The following BEGAIN variants were observed in gnomAD, a reference collection of about 807,000 sequenced individuals.
The protein encoded by BEGAIN is brain enriched guanylate kinase associated, also known as brain-enriched guanylate kinase-associated protein.
Under a neutral mutation model 35.8 loss-of-function variants are expected in BEGAIN, and 19 were observed. The observed-to-expected ratio is 0.53, with a 90% confidence interval of 0.37 to 0.78. The LOEUF (loss-of-function observed/expected upper bound fraction) is 0.78. BEGAIN is among the 30% of genes least tolerant of loss of function. BEGAIN has a pLI of 0.00. For missense variants in BEGAIN, 795 were observed against 853.6 expected (o/e 0.93, Z 0.85); for synonymous variants, 462 against 388.6 (o/e 1.19, Z -2.22).
intron 2 of BEGAIN, among the ~76,000 whole-genome samples, chr14:100,554,700 C>T (rs537339331): frequency 1.4e-4 from 22 of 152,246 alleles, no homozygotes; most frequent in African/African-American, 5.3e-4. Flanking sequence ...GTCTCCTGTT[C>T]TCACCCTGGC....
At chr14:100,550,276 G>A (rs1202292369) in intron 2 of BEGAIN, 1 of 395,748 alleles carries the variant, frequency 2.5e-6, no homozygotes, top group East Asian at 3.6e-5. Flanking sequence ...TGAGGGCTGT[G>A]AGGCTGTGCC....
At position 100,573,325 on chromosome 14, in the gene BEGAIN, A is replaced by G. The variant is rs923949662; in HGVS notation, c.43-5386T>C. On this transcript the variant is annotated intron_variant, in intron 1 of 6. Transcript: ENST00000554140. The surrounding 1 kb of genome is among the most constrained non-coding windows in gnomAD (Gnocchi z 4.2). Reference sequence around the variant, plus strand: ...GGGGCCGCCAGAGGAGGGGCGGGTGAGTCCTGGGAGGTCGCTAGAGGAGCA... The same window carrying G: ...GGGGCCGCCAGAGGAGGGGCGGGTGGGTCCTGGGAGGTCGCTAGAGGAGCA... 1.4e-3 allele frequency among the ~76,000 whole-genome samples: 213 copies of G among 151,486 alleles called. 2 individuals carry two copies. The highest frequency in any genetic ancestry group is 6.8e-3 in the Middle Eastern group (2 of 294).
At chr14:100,546,909 A>G in intron 2 of BEGAIN, 1 of 383,446 alleles carries the variant, frequency 2.6e-6, no homozygotes, top group Non-Finnish European at 4.7e-6. Context: ...GCGGTTCCTC[A>G]GACTCCACCA....
chr14:100,537,431 C>T lies in BEGAIN; in HGVS notation c.*538G>A, dbSNP rs1005238358. 4 of 152,850 alleles carry T rather than the reference C, an allele frequency of 2.6e-5. No individual in the cohort carries two copies. The highest frequency in any genetic ancestry group is 5.8e-5 in the Non-Finnish European group (4 of 68,476). 9.5% of individuals were successfully genotyped at this position (152,850 alleles called of 1,614,324 possible). ...ATGGATTTTTAAAACACTTCATAGCCCCGAATTTGTTTCAGCTCCCTCTTC... is the reference window on the plus strand; with the variant it reads ...ATGGATTTTTAAAACACTTCATAGCTCCGAATTTGTTTCAGCTCCCTCTTC... On this transcript the variant is annotated 3_prime_UTR_variant, in exon 7 of 7. Coordinates refer to ENST00000554140, the MANE Select transcript of BEGAIN (RefSeq NM_001385089.1).
rs981914842 is a variant in BEGAIN at position 100,586,655 on chromosome 14, C to T, written c.42+594G>A. 2.6e-5 allele frequency among the ~76,000 whole-genome samples: 4 copies of T among 152,208 alleles called. No homozygotes were observed. Among genetic ancestry groups the T allele is most frequent in the Non-Finnish European group, 2.9e-5 (2 of 68,048 alleles). ...GGGCGAGGCCCTGGCCTCCCTGAGC[C>T]TCAGTTTCCTCGCCTGTAAAGGGGC... On this transcript the variant is annotated intron_variant, in intron 1 of 6. Coordinates refer to ENST00000554140, the MANE Select transcript of BEGAIN (RefSeq NM_001385089.1). This position sits in a 1 kb window ranked among gnomAD's most constrained non-coding sequence, Gnocchi z 4.9.
At chr14:100,585,415 C>CCCATCCAT (rs71113272) in intron 1 of BEGAIN, among the ~76,000 whole-genome samples, 1,661 of 65,990 alleles carry the variant, frequency 0.025, 48 homozygotes, top group African/African-American at 0.046. Flanking sequence ...CTCCCTCCCT[C>CCCATCCAT]CCATCCATCC....
intron 1 of BEGAIN, chr14:100,578,038 T>C: frequency 2.5e-6 from 1 of 398,510 alleles, no homozygotes; most frequent in East Asian, 3.6e-5. Context: ...CCCTGTGCCC[T>C]CTTGGGGGCT....
At chr14:100,564,357 G>A (rs1341200465) in intron 2 of BEGAIN, among the ~76,000 whole-genome samples, 8 of 152,074 alleles carry the variant, frequency 5.3e-5, no homozygotes, top group East Asian at 3.9e-4. Flanking sequence ...CAGGAGCCAT[G>A]AGAGGCGACT....
In BEGAIN at chr14:100,537,916, G is replaced by C; in HGVS notation, c.*53C>G. The C allele has an allele frequency of 3.2e-6, 5 of 1,548,534 alleles. No homozygotes were observed. The highest frequency in any genetic ancestry group is 2.6e-6 in the Non-Finnish European group (3 of 1,148,656). On this transcript the variant is annotated 3_prime_UTR_variant, in exon 7 of 7. Transcript: ENST00000554140. Reference sequence around the variant, plus strand: ...GGGGAGAGGTGAGGCCGGCCCTTCTGGGGCACGTGGGCTGGCGGGGAGCGA... The same window carrying C: ...GGGGAGAGGTGAGGCCGGCCCTTCTCGGGCACGTGGGCTGGCGGGGAGCGA...
At position 100,568,835 on chromosome 14, in the gene BEGAIN, T is replaced by C. The variant is rs1216064647; in HGVS notation, c.43-896A>G. 2 of 984,450 alleles carry C rather than the reference T, an allele frequency of 2.0e-6. No individual in the cohort carries two copies. The highest frequency in any genetic ancestry group is 6.2e-5 in the Admixed American group (1 of 16,232). 61.0% of individuals were successfully genotyped at this position (984,450 alleles called of 1,614,324 possible). On this transcript the variant is annotated intron_variant, in intron 1 of 6. Transcript: ENST00000554140. The surrounding 1 kb of genome is among the most constrained non-coding windows in gnomAD (Gnocchi z 7.5). ...GCCGCTCCCCGGGGCTTTGCCCGTC[T>C]TTCTGTGCCGTGACTGGCACTCAAG...
At chr14:100,584,687 A>G (rs2139771853) in intron 1 of BEGAIN, among the ~76,000 whole-genome samples, 1 of 152,282 alleles carries the variant, frequency 6.6e-6, no homozygotes, top group African/African-American at 2.4e-5. Context: ...AGGCCACAGA[A>G]GTCACTCCCC....
intron 4 of BEGAIN, among the ~76,000 whole-genome samples, chr14:100,544,413 G>C (rs2032083011): frequency 6.6e-6 from 1 of 152,214 alleles, no homozygotes; most frequent in Admixed American, 6.5e-5. Flanking sequence ...AAGGTGGGCA[G>C]GTTGTTGCTT....
chr14:100,557,618 A>G (rs568216837), intron 2 of BEGAIN, among the ~76,000 whole-genome samples: 1 of 152,070 alleles, frequency 6.6e-6, no homozygotes, highest in African/African-American at 2.4e-5. Flanking sequence ...CACTCTCCTC[A>G]TTGTACTAAG....
chr14:100,538,529 G>T lies in BEGAIN; in HGVS notation c.1279C>A (p.Arg427=). 2 of 1,518,002 alleles carry T rather than the reference G, an allele frequency of 1.3e-6. No individual in the cohort carries two copies. The highest frequency in any genetic ancestry group is 8.8e-7 in the Non-Finnish European group (1 of 1,135,762). The allele number at this position is 1,518,002 out of a possible 1,614,324, so 94.0% of individuals were successfully genotyped here. ...CCCCTCATGTCCTCCCCGGGGAGCC[G>T]GGCGGTCCCCGGCTTGGCCCGCAGG... ...WSLRAKPGTA[R]LPGEDMRGQW... The change falls in exon 7 of 7, where the codon CGG becomes AGG. Residue 427 remains arginine (R), a synonymous_variant. Coordinates refer to ENST00000554140, the MANE Select transcript of BEGAIN (RefSeq NM_001385089.1).
chr14:100,583,692 C>CTTTTTTTTTTT lies in BEGAIN; in HGVS notation c.42+3546_42+3556dup, dbSNP rs56090356. On this transcript the variant is annotated intron_variant, in intron 1 of 6. Coordinates refer to ENST00000554140, the MANE Select transcript of BEGAIN (RefSeq NM_001385089.1). The stretch of plus-strand genomic sequence containing the variant: ...CTCTCTCTCTCTTTCGTTTTTCTTC[C>CTTTTTTTTTTT]TTTTTTTTTTTTTTTTTGATGGAGT... Among the ~76,000 whole-genome samples, 255 of 108,970 alleles carry CTTTTTTTTTTT rather than the reference C, an allele frequency of 2.3e-3. 7 individuals carry two copies. The highest frequency in any genetic ancestry group is 5.3e-3 in the African/African-American group (152 of 28,438). 71.5% of individuals were successfully genotyped at this position (108,970 alleles called of 152,430 possible). A position where few individuals can be genotyped will look rare whatever the true frequency, so the allele number is the denominator to read the frequency against.
intron 2 of BEGAIN, among the ~76,000 whole-genome samples, chr14:100,564,517 T>C (rs2034536683): frequency 6.6e-6 from 1 of 152,114 alleles, no homozygotes; most frequent in African/African-American, 2.4e-5. Flanking sequence ...ACAGAGGCTC[T>C]GAGCACACGG....
rs56090356 is a variant in BEGAIN at position 100,583,692 on chromosome 14, C to CTTTTT, written c.42+3552_42+3556dup. 2.2e-4 allele frequency among the ~76,000 whole-genome samples: 24 copies of CTTTTT among 108,988 alleles called. 2 individuals carry two copies. Among genetic ancestry groups the CTTTTT allele is most frequent in the East Asian group, 5.2e-4 (2 of 3,868 alleles). The allele number at this position is 108,988 out of a possible 152,430, so 71.5% of individuals were successfully genotyped here. A position where few individuals can be genotyped will look rare whatever the true frequency, so the allele number is the denominator to read the frequency against. On this transcript the variant is annotated intron_variant, in intron 1 of 6. Coordinates refer to ENST00000554140, the MANE Select transcript of BEGAIN (RefSeq NM_001385089.1). ...CTCTCTCTCTCTTTCGTTTTTCTTC[C>CTTTTT]TTTTTTTTTTTTTTTTTGATGGAGT... is the stretch of plus-strand genomic sequence containing the variant.
At chr14:100,575,255 A>G (rs1277503874) in intron 1 of BEGAIN, among the ~76,000 whole-genome samples, 1 of 152,202 alleles carries the variant, frequency 6.6e-6, no homozygotes, top group African/African-American at 2.4e-5. Flanking sequence ...CCCTCCAGAA[A>G]GCATTCTGGG....
intron 2 of BEGAIN, among the ~76,000 whole-genome samples, chr14:100,557,448 A>T (rs2033854799): frequency 6.6e-6 from 1 of 152,174 alleles, no homozygotes; most frequent in South Asian, 2.1e-4. Context: ...TGCTCCATCC[A>T]TGGGGACCCC....
Sources: allele counts gnomAD v4.1 joint callset (sites outside exome capture counted in the v4.1 genomes callset), GRCh38; gene constraint gnomAD v4.1.1; non-coding constraint Gnocchi (gnomAD v3.1); transcripts MANE v1.5; gene names NCBI Gene and HGNC (gene_info 2026-07-23, HGNC 2026-07-21).